Variants in RTF1 observed in about 807,000 individuals in gnomAD.
RTF1 encodes RNA polymerase-associated protein RTF1 homolog.
A neutral mutation model predicts 95.7 loss-of-function variants in RTF1; 10 were observed. That is an observed-to-expected ratio of 0.10 (90% CI 0.06 to 0.18). The LOEUF (loss-of-function observed/expected upper bound fraction) is 0.18, where lower values mean the gene tolerates loss of function less well. Ranked by LOEUF, RTF1 falls within the 10% of genes least tolerant of loss-of-function variation. The pLI is 1.00. For synonymous variants in RTF1, 305 were observed against 311.8 expected (o/e 0.98, Z 0.23); for missense variants, 458 against 875.6 (o/e 0.52, Z 6.02).
chr15:41,446,807 T>A (rs34285452), intron 2 of RTF1, among the ~76,000 whole-genome samples: 27,536 of 150,218 alleles, frequency 0.18, 3,172 homozygotes, highest in Non-Finnish European at 0.26. Flanking sequence ...GCTGTTATTT[T>A]TTTTTTTTTT....
rs573466283 is a variant in RTF1, at chr15:41,472,859, G to A, written c.1203+1510G>A. Among the ~76,000 whole-genome samples, 12 of 151,880 alleles carry A rather than the reference G, an allele frequency of 7.9e-5. No homozygotes were observed. In the South Asian group the frequency reaches 2.1e-3, roughly 26 times the overall value. Reference sequence around the variant, plus strand: ...TGGGACTACAGGCGCCCGCAACCACGCCTGGTTAATTTTTTGTATTTTTAG... The same window carrying A: ...TGGGACTACAGGCGCCCGCAACCACACCTGGTTAATTTTTTGTATTTTTAG... On this transcript the variant is annotated intron_variant, in intron 8 of 17. Transcript: ENST00000389629.
intron 1 of RTF1, among the ~76,000 whole-genome samples, chr15:41,434,081 G>A (rs1056482632): frequency 1.3e-5 from 2 of 151,380 alleles, no homozygotes; most frequent in African/African-American, 4.9e-5. Context: ...CCAACCTCAG[G>A]TGATCCGCCA....
rs1461054757 is a variant in RTF1, at chr15:41,449,300, G to A, written c.310-3601G>A. On this transcript the variant is annotated intron_variant, in intron 2 of 17. Transcript: ENST00000389629. The stretch of plus-strand genomic sequence containing the variant: ...GGCTGGAGTGCAGTGGTACGAACTC[G>A]GCTCACTGCAAGCTCCGCCTCCCGG... 5.0e-5 allele frequency among the ~76,000 whole-genome samples: 7 copies of A among 141,378 alleles called. No homozygotes were observed. In the South Asian group the frequency reaches 6.6e-4, roughly 13 times the overall value. 92.7% of individuals were successfully genotyped at this position (141,378 alleles called of 152,430 possible).
intron 14 of RTF1, 75 bp from the exon 15 acceptor site, chr15:41,478,472 TA>T: frequency 9.3e-7 from 1 of 1,074,840 alleles, no homozygotes; most frequent in Non-Finnish European, 1.4e-6. Flanking sequence ...TGCAAAGACT[TA>T]TTTGCCTGTG....
intron 1 of RTF1, among the ~76,000 whole-genome samples, chr15:41,423,387 A>G (rs7168177): frequency 0.4 from 50,871 of 127,720 alleles, 8,848 homozygotes; most frequent in African/African-American, 0.46. Flanking sequence ...CCCAGCCCCC[A>G]CCCAAGATGG....
chr15:41,426,506 C>T (rs2050630366), intron 1 of RTF1, among the ~76,000 whole-genome samples: 1 of 151,810 alleles, frequency 6.6e-6, no homozygotes, highest in Non-Finnish European at 1.5e-5. Context: ...AGGGTTTCAC[C>T]ATATTGGCCA....
At chr15:41,424,525 A>G (rs925750237) in intron 1 of RTF1, among the ~76,000 whole-genome samples, 3 of 152,138 alleles carry the variant, frequency 2.0e-5, no homozygotes, top group African/African-American at 7.2e-5. Context: ...TTCTGTTTTG[A>G]CCCTTTGAGG....
chr15:41,452,997 T>C lies in RTF1; in HGVS notation c.406T>C (p.Ser136Pro). The change falls in exon 3 of 18, where the codon TCA becomes CCA. Residue 136 changes from serine to proline, a missense_variant. Transcript: ENST00000389629. ...MKKQANKTASSGSSDKDSSAE... is the reference protein window; with the variant it reads ...MKKQANKTASPGSSDKDSSAE... ...GAAACAGGCCAACAAAACTGCCTCC[T>C]CAGGCAGTTCAGACAAAGACAGTTC... 6.2e-7 allele frequency: 1 copy of C among 1,612,370 alleles called. No homozygotes were observed. Among genetic ancestry groups the C allele is most frequent in the Non-Finnish European group, 8.5e-7 (1 of 1,179,520 alleles).
intron 14 of RTF1, 114 bp from the exon 15 acceptor site, chr15:41,478,434 A>T: frequency 9.3e-6 from 7 of 754,368 alleles, no homozygotes; most frequent in Non-Finnish European, 8.8e-6. Context: ...AAGGAAAAGG[A>T]TAATAGCTTT....
chr15:41,467,705 A>G (rs2050887681), intron 6 of RTF1, among the ~76,000 whole-genome samples: 1 of 150,782 alleles, frequency 6.6e-6, no homozygotes, highest in South Asian at 2.1e-4. Context: ...ACAGAGTGAG[A>G]CTCAATCTTA....
At chr15:41,458,258 T>G (rs548730111) in intron 4 of RTF1, among the ~76,000 whole-genome samples, 1 of 152,322 alleles carries the variant, frequency 6.6e-6, no homozygotes, top group African/African-American at 2.4e-5. Context: ...TTCGCCACTC[T>G]ATTCTTAGTG....
chr15:41,433,442 C>T (rs956566371), intron 1 of RTF1, among the ~76,000 whole-genome samples: 1 of 151,940 alleles, frequency 6.6e-6, no homozygotes, highest in African/African-American at 2.4e-5. Context: ...TCAAGTGATT[C>T]TCCCACCTCA....
intron 7 of RTF1, among the ~76,000 whole-genome samples, 168 bp downstream of exon 7, chr15:41,470,560 G>T (rs1307416177): frequency 2.0e-5 from 3 of 151,636 alleles, no homozygotes; most frequent in Non-Finnish European, 4.4e-5. Flanking sequence ...TTGGCTGCTA[G>T]CCTGTACGCT....
chr15:41,437,255 G>A (rs966061545), intron 1 of RTF1, among the ~76,000 whole-genome samples: 7 of 151,978 alleles, frequency 4.6e-5, no homozygotes, highest in African/African-American at 1.2e-4. Flanking sequence ...CAGCACTTTG[G>A]GATGCCAAGG....
intron 1 of RTF1, among the ~76,000 whole-genome samples, chr15:41,433,115 G>A (rs2050683831): frequency 6.6e-6 from 1 of 151,818 alleles, no homozygotes; most frequent in Non-Finnish European, 1.5e-5. Flanking sequence ...GGGTGTGGTG[G>A]CGTGCACCTA....
chr15:41,443,928 C>T (rs1422229784), intron 2 of RTF1, among the ~76,000 whole-genome samples: 3 of 151,408 alleles, frequency 2.0e-5, no homozygotes, highest in Admixed American at 6.6e-5. Flanking sequence ...ATTAGCCGGG[C>T]GTGGTGGCGG....
intron 2 of RTF1, among the ~76,000 whole-genome samples, chr15:41,441,616 C>CTTGCAG (rs1418296888): frequency 6.6e-6 from 1 of 152,138 alleles, no homozygotes; most frequent in Non-Finnish European, 1.5e-5. Context: ...TTTAGGGTTC[C>CTTGCAG]CTTTGTTACT....
At chr15:41,421,901 G>C in intron 1 of RTF1, among the ~76,000 whole-genome samples, 1 of 151,966 alleles carries the variant, frequency 6.6e-6, no homozygotes, top group East Asian at 1.9e-4. Context: ...TTGTAGAGAT[G>C]GGGGTCCCAC....
chr15:41,433,841 C>T (rs1354542857), intron 1 of RTF1, among the ~76,000 whole-genome samples: 5 of 146,460 alleles, frequency 3.4e-5, no homozygotes, highest in Non-Finnish European at 7.5e-5. Context: ...TTTGCTACCA[C>T]ACTTTTTTTT....
Sources: gnomAD v4.1 joint callset for allele counts (sites outside exome capture counted in the v4.1 genomes callset) on GRCh38, gnomAD v4.1.1 for gene constraint, MANE v1.5 for transcripts, NCBI Gene and HGNC (gene_info 2026-07-23, HGNC 2026-07-21) for gene names.